CTNNA2: variants seen among roughly 807,000 people sequenced by gnomAD.
CTNNA2 encodes the protein catenin alpha-2.
CTNNA2 carries 42 observed loss-of-function variants against 101.0 expected under a neutral mutation model. That is an observed-to-expected ratio of 0.42 (90% CI 0.32 to 0.54). The LOEUF (loss-of-function observed/expected upper bound fraction) is 0.54. Among genes scored for constraint, CTNNA2 ranks in the 20% least tolerant of loss-of-function variants. The pLI, the probability that CTNNA2 is intolerant of heterozygous loss-of-function variation, is 0.14. For missense variants in CTNNA2, 871 were observed against 1,223.1 expected (o/e 0.71, Z 4.29); for synonymous variants, 450 against 456.4 (o/e 0.99, Z 0.18).
At chr2:80,292,266 T>C (rs951838738) in intron 7 of CTNNA2, among the ~76,000 whole-genome samples, 1 of 152,234 alleles carries the variant, frequency 6.6e-6, no homozygotes, top group Admixed American at 6.5e-5. Flanking sequence ...GGCTTAATTC[T>C]TATAACAACC....
intron 2 of CTNNA2, among the ~76,000 whole-genome samples, chr2:79,307,564 T>C (rs2104396670): frequency 6.6e-6 from 1 of 152,350 alleles, no homozygotes; most frequent in East Asian, 1.9e-4. Flanking sequence ...TTTATTCTTT[T>C]TATGGCTGAA....
chr2:79,937,774 A>C (rs917943957), intron 7 of CTNNA2, among the ~76,000 whole-genome samples: 1 of 152,242 alleles, frequency 6.6e-6, no homozygotes, highest in African/African-American at 2.4e-5. Context: ...TAATCAGAAG[A>C]CTGAAAAGAC....
chr2:80,608,385 G>C (rs929694094), intron 17 of CTNNA2, 67 bp downstream of exon 17: 63 of 1,548,730 alleles, frequency 4.1e-5, no homozygotes, highest in Non-Finnish European at 4.7e-5. Context: ...AACATTCTTG[G>C]CAACAGTACT....
chr2:80,002,364 A>G (rs1693012644), intron 7 of CTNNA2, among the ~76,000 whole-genome samples: 1 of 152,210 alleles, frequency 6.6e-6, no homozygotes, highest in African/African-American at 2.4e-5. Flanking sequence ...TCCTCAGGCA[A>G]GAGGGACTTG....
At chr2:80,033,584 A>AACAAAC (rs1176581173) in intron 7 of CTNNA2, among the ~76,000 whole-genome samples, 2 of 152,308 alleles carry the variant, frequency 1.3e-5, no homozygotes, top group South Asian at 2.1e-4. Flanking sequence ...GAAAAACAAA[A>AACAAAC]ACAAAAACAA....
At chr2:80,211,049 T>C (rs1459170950) in intron 7 of CTNNA2, among the ~76,000 whole-genome samples, 1 of 152,214 alleles carries the variant, frequency 6.6e-6, no homozygotes, top group Non-Finnish European at 1.5e-5. Context: ...CTTTGCCCAC[T>C]TTTTGATGGG....
At chr2:80,612,247 A>G (rs1416757842) in intron 17 of CTNNA2, among the ~76,000 whole-genome samples, 2 of 151,586 alleles carry the variant, frequency 1.3e-5, no homozygotes, top group Non-Finnish European at 3.0e-5. Flanking sequence ...TGAGGGGTCA[A>G]TTATAGTAAT....
At chr2:79,631,148 T>C (rs1042326871) in intron 1 of CTNNA2, among the ~76,000 whole-genome samples, 1 of 152,150 alleles carries the variant, frequency 6.6e-6, no homozygotes, top group African/African-American at 2.4e-5. Flanking sequence ...AGCACAGTCA[T>C]TGTAGAGGCT....
chr2:80,610,032 G>A (rs1698329667), intron 17 of CTNNA2, among the ~76,000 whole-genome samples: 1 of 151,700 alleles, frequency 6.6e-6, no homozygotes, highest in Non-Finnish European at 1.5e-5. Context: ...GAGTCTTGTT[G>A]GTAAAGTTCA....
chr2:79,888,634 G>T (rs894024666), intron 6 of CTNNA2, among the ~76,000 whole-genome samples: 1 of 151,644 alleles, frequency 6.6e-6, no homozygotes, highest in African/African-American at 2.4e-5. Flanking sequence ...TGATTTTTTG[G>T]CCCCCTATCA....
chr2:80,647,919 C>A lies in CTNNA2; in HGVS notation c.*47C>A. The A allele has an allele frequency of 6.6e-7, 1 of 1,512,432 alleles. No individual in the cohort carries two copies. The highest frequency in any genetic ancestry group is 8.9e-7 in the Non-Finnish European group (1 of 1,129,794). 93.7% of individuals were successfully genotyped at this position (1,512,432 alleles called of 1,614,324 possible). A position where few individuals can be genotyped will look rare whatever the true frequency, so the allele number is the denominator to read the frequency against. On this transcript the variant is annotated 3_prime_UTR_variant, in exon 19 of 19. Transcript: ENST00000402739. ...AGCTTTTTCTTTCTTTTCTTTCTTT[C>A]TTTTTCTTTTTAATTCCATTTTTGT...
At chr2:80,120,600 C>T (rs567355401) in intron 7 of CTNNA2, among the ~76,000 whole-genome samples, 1 of 152,216 alleles carries the variant, frequency 6.6e-6, no homozygotes, top group Non-Finnish European at 1.5e-5. Flanking sequence ...ACGGCAGTCA[C>T]CCAGTGTTTG....
At chr2:79,299,907 A>T (rs563157653) in intron 2 of CTNNA2, among the ~76,000 whole-genome samples, 1 of 152,310 alleles carries the variant, frequency 6.6e-6, no homozygotes, top group Non-Finnish European at 1.5e-5. Context: ...AAATTAATAG[A>T]AGTTATTTTT....
At chr2:80,625,607 T>C (rs1222181262) in intron 18 of CTNNA2, among the ~76,000 whole-genome samples, 1 of 152,112 alleles carries the variant, frequency 6.6e-6, no homozygotes, top group East Asian at 1.9e-4. Context: ...TAACAGGGAA[T>C]ATGTTTGAAT....
chr2:79,470,544 T>G (rs1390422655), intron 4 of CTNNA2, among the ~76,000 whole-genome samples: 1 of 152,178 alleles, frequency 6.6e-6, no homozygotes, highest in Non-Finnish European at 1.5e-5. Context: ...AGACTTCACT[T>G]TAGGAAATGT....
intron 7 of CTNNA2, among the ~76,000 whole-genome samples, chr2:80,316,798 A>G (rs1029143530): frequency 6.6e-6 from 1 of 152,182 alleles, no homozygotes; most frequent in Non-Finnish European, 1.5e-5. Context: ...ACAAATATCT[A>G]TTGAGTACTT....
At chr2:79,705,140 C>G (rs1361546821) in intron 2 of CTNNA2, among the ~76,000 whole-genome samples, 1 of 152,078 alleles carries the variant, frequency 6.6e-6, no homozygotes, top group African/African-American at 2.4e-5. Flanking sequence ...ACTCCCTGCT[C>G]CCCACAAACA....
chr2:79,732,874 T>A (rs1573820376), intron 2 of CTNNA2, among the ~76,000 whole-genome samples: 1 of 152,084 alleles, frequency 6.6e-6, no homozygotes, highest in Non-Finnish European at 1.5e-5. Context: ...GGCTTCCATG[T>A]TTGCCAGTTG....
intron 7 of CTNNA2, among the ~76,000 whole-genome samples, chr2:79,916,325 T>A (rs942626154): frequency 9.2e-5 from 14 of 152,100 alleles, no homozygotes; most frequent in Admixed American, 2.0e-4. Context: ...AGTCCTAATA[T>A]TCTACATTGG....
Sources: allele counts gnomAD v4.1 joint callset (sites outside exome capture counted in the v4.1 genomes callset), GRCh38; gene constraint gnomAD v4.1.1; transcripts MANE v1.5; gene names NCBI Gene and HGNC (gene_info 2026-07-23, HGNC 2026-07-21).